Variants in FAM162A observed in about 807,000 individuals in gnomAD.
FAM162A encodes the protein protein FAM162A.
Under a neutral mutation model 21.8 loss-of-function variants are expected in FAM162A, and 23 were observed. The observed-to-expected ratio is 1.05, with a 90% confidence interval of 0.76 to 1.49. The LOEUF is 1.49. Ranked by LOEUF, FAM162A falls within the 40% of genes most tolerant of loss-of-function variation. FAM162A has a pLI of 0.00. For missense variants in FAM162A, 165 were observed against 186.4 expected (o/e 0.89, Z 0.67); for synonymous variants, 53 against 61.3 (o/e 0.86, Z 0.64).
At chr3:122,392,593 G>T (rs777203706) in intron 1 of FAM162A, among the ~76,000 whole-genome samples, 1 of 152,188 alleles carries the variant, frequency 6.6e-6, no homozygotes, top group African/African-American at 2.4e-5. Context: ...TTAGAAATGC[G>T]AATTCCCAGC....
At chr3:122,396,189 T>G (rs1044025993) in intron 1 of FAM162A, among the ~76,000 whole-genome samples, 5 of 152,108 alleles carry the variant, frequency 3.3e-5, no homozygotes, top group African/African-American at 1.2e-4. Context: ...CCAAATTAAA[T>G]TTTTTTGTAC....
rs532290351 is a variant in FAM162A, at chr3:122,400,784, G to A, written c.35-1976G>A. On this transcript the variant is annotated intron_variant, in intron 1 of 4. Transcript: ENST00000477892. ...AGAGGTTGCGGTGAGCCGAGATCGC[G>A]CCACTGCACTCCAGCCTGGGCACCA... Among the ~76,000 whole-genome samples, 9 of 151,464 alleles carry A rather than the reference G, an allele frequency of 5.9e-5. No individual in the cohort carries two copies. The East Asian group carries it at 1.6e-3, about 26-fold the overall frequency.
At chr3:122,401,062 T>C (rs1421802979) in intron 1 of FAM162A, among the ~76,000 whole-genome samples, 1 of 152,242 alleles carries the variant, frequency 6.6e-6, no homozygotes, top group Non-Finnish European at 1.5e-5. Context: ...GAGTCTTGTG[T>C]AACCTTTTGA....
chr3:122,404,332 A>G lies in FAM162A; in HGVS notation c.232A>G (p.Lys78Glu), dbSNP rs199848888. ...GATCCTCATATGGTCAGGTCGCTTCAAAAAGGAAGATGAAATCCCAGAGAC... is the reference window on the plus strand; with the variant it reads ...GATCCTCATATGGTCAGGTCGCTTCGAAAAGGAAGATGAAATCCCAGAGAC... ...KKILIWSGRF[K>E]KEDEIPETVS... Residue 78 changes from lysine to glutamate, a missense_variant, in exon 3 of 5, where the codon AAA (lysine) becomes GAA (glutamate). Lys to Glu is a moderately conservative substitution (Grantham distance 56, BLOSUM62 1). Coordinates refer to ENST00000477892, the MANE Select transcript of FAM162A (RefSeq NM_014367.4). 4.3e-5 allele frequency: 69 copies of G among 1,605,054 alleles called. No homozygotes were observed. In the African/African-American group the frequency reaches 6.7e-4, roughly 16 times the overall value.
At chr3:122,384,579 AGCCTCCCC>A (rs553901234) in intron 1 of FAM162A, among the ~76,000 whole-genome samples, 62 of 151,416 alleles carry the variant, frequency 4.1e-4, no homozygotes, top group Non-Finnish European at 8.1e-4. Context: ...CCCCGTCCTC[AGCCTCCCC>A]TGAGCTCAGT....
intron 3 of FAM162A, among the ~76,000 whole-genome samples, chr3:122,406,863 T>C (rs1463192272): frequency 6.6e-6 from 1 of 152,230 alleles, no homozygotes; most frequent in African/African-American, 2.4e-5. Context: ...AGACGATGAC[T>C]ACATCACATA....
At chr3:122,409,616 T>C (rs2075694338) in intron 4 of FAM162A, 123 bp from the exon 5 acceptor site, 2 of 767,492 alleles carry the variant, frequency 2.6e-6, no homozygotes, top group Non-Finnish European at 4.5e-6. Flanking sequence ...CCGTGCTCAG[T>C]GTGCAAGCAG....
rs1274387859 is a variant in FAM162A, at chr3:122,410,685, T to C, written c.*854T>C. ...ATTATTCATGGATGACAAGCCATTA[T>C]AGTAGTCCCTTCTTATCCACGGCTT... is the stretch of plus-strand genomic sequence containing the variant. On this transcript the variant is annotated 3_prime_UTR_variant, in exon 5 of 5. Coordinates refer to ENST00000477892, the MANE Select transcript of FAM162A (RefSeq NM_014367.4). 3 of 152,276 alleles carry C rather than the reference T, an allele frequency of 2.0e-5. No individual in the cohort carries two copies. Among genetic ancestry groups the C allele is most frequent in the East Asian group, 1.9e-4 (1 of 5,202 alleles). 9.4% of individuals were successfully genotyped at this position (152,276 alleles called of 1,614,324 possible). A position where few individuals can be genotyped will look rare whatever the true frequency, so the allele number is the denominator to read the frequency against.
chr3:122,404,428 C>T, intron 3 of FAM162A, 65 bp downstream of exon 3: 1 of 778,830 alleles, frequency 1.3e-6, no homozygotes, highest in East Asian at 2.8e-5. Flanking sequence ...AAAAGCAATG[C>T]CTCTGAGTTC....
chr3:122,393,228 TAAG>T (rs2075611813), intron 1 of FAM162A, among the ~76,000 whole-genome samples: 2 of 151,758 alleles, frequency 1.3e-5, no homozygotes, highest in Admixed American at 1.3e-4. Context: ...GTGTCAAGAG[TAAG>T]GACCTCTGAA....
intron 1 of FAM162A, among the ~76,000 whole-genome samples, chr3:122,388,084 T>A (rs2075582868): frequency 6.6e-6 from 1 of 152,208 alleles, no homozygotes; most frequent in South Asian, 2.1e-4. Context: ...GAAACATTTC[T>A]GGAAAATTAA....
At chr3:122,404,846 T>G (rs1020043986) in intron 3 of FAM162A, among the ~76,000 whole-genome samples, 4 of 152,220 alleles carry the variant, frequency 2.6e-5, no homozygotes, top group African/African-American at 7.2e-5. Flanking sequence ...TGGAACTTTT[T>G]CAGAGTTTGT....
intron 1 of FAM162A, among the ~76,000 whole-genome samples, chr3:122,399,544 G>A (rs1340974994): frequency 6.6e-6 from 1 of 152,094 alleles, no homozygotes; most frequent in Non-Finnish European, 1.5e-5. Flanking sequence ...TGGACATTTA[G>A]GTTGATTCAT....
chr3:122,402,991 T>A (rs898307675), intron 2 of FAM162A, 109 bp downstream of exon 2: 2 of 1,217,970 alleles, frequency 1.6e-6, no homozygotes, highest in African/African-American at 1.5e-5. Flanking sequence ...TACCCTCCCA[T>A]GTAGAGAGAA....
chr3:122,397,563 C>T (rs1010872645), intron 1 of FAM162A, among the ~76,000 whole-genome samples: 1 of 152,184 alleles, frequency 6.6e-6, no homozygotes, highest in Non-Finnish European at 1.5e-5. Flanking sequence ...TGCTCCACAT[C>T]CTAGGGACTC....
At chr3:122,390,411 A>T (rs1476916650) in intron 1 of FAM162A, among the ~76,000 whole-genome samples, 1 of 152,170 alleles carries the variant, frequency 6.6e-6, no homozygotes, top group Non-Finnish European at 1.5e-5. Context: ...TGTAATATTG[A>T]TTCTCTGATT....
intron 1 of FAM162A, among the ~76,000 whole-genome samples, chr3:122,390,117 A>G (rs2075595367): frequency 6.6e-6 from 1 of 152,136 alleles, no homozygotes; most frequent in African/African-American, 2.4e-5. Flanking sequence ...CCTAGGTGAC[A>G]AAGTGAGACC....
intron 1 of FAM162A, among the ~76,000 whole-genome samples, chr3:122,398,280 T>A (rs542264151): frequency 6.6e-6 from 1 of 152,016 alleles, no homozygotes; most frequent in Non-Finnish European, 1.5e-5. Context: ...TGGATCTAGG[T>A]AATAATCACC....
intron 1 of FAM162A, among the ~76,000 whole-genome samples, chr3:122,385,667 A>T (rs1442625196): frequency 6.6e-6 from 1 of 152,248 alleles, no homozygotes. Context: ...TCTGATGTGT[A>T]AAAACTTCAC....
Sources: allele counts gnomAD v4.1 joint callset (sites outside exome capture counted in the v4.1 genomes callset), GRCh38; gene constraint gnomAD v4.1.1; transcripts MANE v1.5; gene names NCBI Gene and HGNC (gene_info 2026-07-23, HGNC 2026-07-21).